CALN1: variants seen among roughly 807,000 people sequenced by gnomAD.
CALN1 encodes the protein calneuron 1.
A neutral mutation model predicts 30.6 loss-of-function variants in CALN1; 17 were observed. The observed-to-expected ratio is 0.56, with a 90% CI of 0.38 to 0.83. CALN1 has a LOEUF of 0.83. Ranked by LOEUF, CALN1 falls within the 40% of genes least tolerant of loss-of-function variation. The pLI is 0.00. For synonymous variants in CALN1, 156 were observed against 131.4 expected, an observed-to-expected ratio of 1.19 and a Z score of -1.28; for missense variants, 291 against 354.9, an observed-to-expected ratio of 0.82 and a Z score of 1.45.
chr7:71,848,787 T>C (rs1472033489), intron 5 of CALN1, among the ~76,000 whole-genome samples: 1 of 152,160 alleles, frequency 6.6e-6, no homozygotes, highest in African/African-American at 2.4e-5. Flanking sequence ...TAAAGTCCAA[T>C]ATCGATGATG....
At chr7:72,312,937 T>C (rs1800152973) in intron 2 of CALN1, among the ~76,000 whole-genome samples, 1 of 151,928 alleles carries the variant, frequency 6.6e-6, no homozygotes, top group Non-Finnish European at 1.5e-5. Flanking sequence ...CGGGTTCAAA[T>C]GATTCTCCTG....
At chr7:71,970,817 G>A (rs758055695) in intron 5 of CALN1, among the ~76,000 whole-genome samples, 11 of 152,160 alleles carry the variant, frequency 7.2e-5, no homozygotes, top group Non-Finnish European at 1.6e-4. Context: ...ACAAGGCCCA[G>A]TTACTGCCAA....
At position 72,096,046 on chromosome 7, in the gene CALN1, T is replaced by C. The variant is rs567949569; in HGVS notation, c.388+10105A>G. Among the ~76,000 whole-genome samples, 27 of 115,470 alleles carry C rather than the reference T, an allele frequency of 2.3e-4. No homozygotes were observed. In the Middle Eastern group the frequency reaches 0.012, roughly 52 times the overall value. 75.8% of individuals were successfully genotyped at this position (115,470 alleles called of 152,430 possible). On this transcript the variant is annotated intron_variant, in intron 4 of 6. Transcript: ENST00000395275. ...AGAGCGAGACCTTGTCTCTAAAAGA[T>C]AGATAGATAGATAGATAGATAGATA...
At chr7:72,218,101 C>T (rs1365779762) in intron 3 of CALN1, among the ~76,000 whole-genome samples, 4 of 151,486 alleles carry the variant, frequency 2.6e-5, no homozygotes, top group Non-Finnish European at 4.4e-5. Context: ...CTCGGCCTCC[C>T]AAAGTGCTGG....
At chr7:72,333,441 T>C (rs1443616953) in intron 2 of CALN1, among the ~76,000 whole-genome samples, 1 of 152,204 alleles carries the variant, frequency 6.6e-6, no homozygotes, top group Non-Finnish European at 1.5e-5. Flanking sequence ...TTTTCCTCCT[T>C]CCGAACCACA....
intron 4 of CALN1, among the ~76,000 whole-genome samples, chr7:72,080,405 G>A (rs1357871295): frequency 6.6e-6 from 1 of 152,192 alleles, no homozygotes; most frequent in East Asian, 1.9e-4. Flanking sequence ...CTGCGTGCAG[G>A]CAGAACAGAC....
At chr7:72,115,460 A>T (rs192026560) in intron 3 of CALN1, among the ~76,000 whole-genome samples, 2 of 147,090 alleles carry the variant, frequency 1.4e-5, no homozygotes, top group East Asian at 4.0e-4. Context: ...TTCAGTAATG[A>T]TAAATACATT....
the CALN1 span, among the ~76,000 whole-genome samples, chr7:72,457,640 C>A: frequency 6.6e-6 from 1 of 152,112 alleles, no homozygotes; most frequent in South Asian, 2.1e-4. Flanking sequence ...AGAGAGGTAC[C>A]TATTTCCCTG....
intron 3 of CALN1, among the ~76,000 whole-genome samples, chr7:72,191,681 T>C (rs1010739091): frequency 1.3e-5 from 2 of 149,824 alleles, no homozygotes; most frequent in Non-Finnish European, 2.9e-5. Flanking sequence ...CAGGTTTGAG[T>C]ATGTGTTAGG....
chr7:72,462,058 T>G, the CALN1 span, among the ~76,000 whole-genome samples: 1 of 151,932 alleles, frequency 6.6e-6, no homozygotes, highest in Admixed American at 6.6e-5. Context: ...GCTTTGGAGT[T>G]TCTTAGGACT....
At chr7:72,214,254 C>T (rs1355226814) in intron 3 of CALN1, among the ~76,000 whole-genome samples, 2 of 152,130 alleles carry the variant, frequency 1.3e-5, no homozygotes, top group African/African-American at 2.4e-5. Context: ...CCTAGGCAGA[C>T]GGATTGCCTG....
At chr7:72,359,444 G>T (rs1464311226) in intron 2 of CALN1, among the ~76,000 whole-genome samples, 5 of 152,070 alleles carry the variant, frequency 3.3e-5, no homozygotes, top group Non-Finnish European at 7.4e-5. Flanking sequence ...TTATACAAAT[G>T]CTAACACACT....
chr7:72,090,135 T>TA lies in CALN1; in HGVS notation c.388+16015dup, dbSNP rs557538964. Among the ~76,000 whole-genome samples the TA allele has an allele frequency of 3.2e-3, 487 of 151,916 alleles. 4 individuals carry two copies. Among genetic ancestry groups the TA allele is most frequent in the African/African-American group, 1.0e-2 (413 of 41,438 alleles). ...CAACATGGTGAAACCCCATGTCTAC[T>TA]AAAAAAAAGTACAAAAATTAGCCAG... On this transcript the variant is annotated intron_variant, in intron 4 of 6. Coordinates refer to ENST00000395275, the MANE Select transcript of CALN1 (RefSeq NM_031468.4).
chr7:71,944,069 A>T (rs1231568260), intron 5 of CALN1, among the ~76,000 whole-genome samples: 2 of 152,166 alleles, frequency 1.3e-5, no homozygotes, highest in African/African-American at 2.4e-5. Context: ...CCAGGTTATG[A>T]ATCTAGTCAC....
chr7:72,120,034 G>A (rs954754988), intron 3 of CALN1, among the ~76,000 whole-genome samples: 1 of 152,076 alleles, frequency 6.6e-6, no homozygotes, highest in Non-Finnish European at 1.5e-5. Flanking sequence ...GCTGAGGCTT[G>A]GGGCAAGAAT....
chr7:72,294,169 A>G lies in CALN1; in HGVS notation c.120-15359T>C, dbSNP rs564025848. Among the ~76,000 whole-genome samples the G allele has an allele frequency of 9.2e-5, 14 of 152,246 alleles. No individual in the cohort carries two copies. The South Asian group carries it at 2.9e-3, about 32-fold the overall frequency. On this transcript the variant is annotated intron_variant, in intron 2 of 6. Transcript: ENST00000395275. ...GATTCCTCCAGAAGCAACCACAAAA[A>G]CAACACTATCTCCACCTCCCGCCGC... is the stretch of plus-strand genomic sequence containing the variant.
intron 3 of CALN1, among the ~76,000 whole-genome samples, chr7:72,109,858 G>A (rs185896179): frequency 2.0e-5 from 3 of 151,342 alleles, no homozygotes; most frequent in African/African-American, 4.8e-5. Flanking sequence ...TTCCCCCTCA[G>A]CCTCAATTTC....
chr7:71,906,848 T>A (rs949677621), intron 5 of CALN1, among the ~76,000 whole-genome samples: 1 of 152,066 alleles, frequency 6.6e-6, no homozygotes, highest in African/African-American at 2.4e-5. Flanking sequence ...TGCAGTTGGG[T>A]TGCCCAGGTG....
At chr7:72,182,076 A>C (rs779765131) in intron 3 of CALN1, among the ~76,000 whole-genome samples, 1 of 152,188 alleles carries the variant, frequency 6.6e-6, no homozygotes, top group Non-Finnish European at 1.5e-5. Flanking sequence ...CTTAGAGAAG[A>C]CTAGGGATAA....
Sources: gnomAD v4.1 joint callset for allele counts (sites outside exome capture counted in the v4.1 genomes callset) on GRCh38, gnomAD v4.1.1 for gene constraint, MANE v1.5 for transcripts, NCBI Gene and HGNC (gene_info 2026-07-23, HGNC 2026-07-21) for gene names.